Variants in KIAA0232 observed in about 807,000 individuals in gnomAD.
KIAA0232 encodes the protein KIAA0232, also known as uncharacterized protein KIAA0232.
KIAA0232 carries 27 observed loss-of-function variants against 122.0 expected under a neutral mutation model. The ratio of observed to expected loss-of-function variants is 0.22; its 90% CI spans 0.16 to 0.31. KIAA0232 has a LOEUF of 0.31. Ranked by LOEUF, KIAA0232 falls within the 10% of genes least tolerant of loss-of-function variation. The probability of loss-of-function intolerance (pLI) is 1.00; values close to 1 mark genes in which losing one functional copy is unlikely to be tolerated. For missense variants in KIAA0232, 1,551 were observed against 1,634.2 expected, an observed-to-expected ratio of 0.95 and a Z score of 0.88; for synonymous variants, 613 against 587.6, an observed-to-expected ratio of 1.04 and a Z score of -0.63.
chr4:6,800,138 A>G (rs1207265100), intron 1 of KIAA0232, among the ~76,000 whole-genome samples: 2 of 118,350 alleles, frequency 1.7e-5, no homozygotes, highest in African/African-American at 3.3e-5. Context: ...GCTGACTGCA[A>G]CCTCCATCTC....
intron 3 of KIAA0232, among the ~76,000 whole-genome samples, chr4:6,826,505 T>TC (rs2109044775): frequency 6.7e-6 from 1 of 149,464 alleles, no homozygotes; most frequent in East Asian, 2.0e-4. Flanking sequence ...GGGAATGATT[T>TC]TTTTTTTTTT....
At chr4:6,878,458 AAAAAT>A (rs150175351) in intron 9 of KIAA0232, among the ~76,000 whole-genome samples, 7,114 of 152,282 alleles carry the variant, frequency 0.047, 533 homozygotes, top group African/African-American at 0.16. Context: ...ATAAAGGACA[AAAAAT>A]AAAATGAGAT....
At chr4:6,814,067 G>A (rs1045605424) in intron 2 of KIAA0232, among the ~76,000 whole-genome samples, 9 of 152,102 alleles carry the variant, frequency 5.9e-5, no homozygotes, top group Non-Finnish European at 4.4e-5. Flanking sequence ...TTGCAGTTGT[G>A]TACTAGGTGT....
In KIAA0232 at chr4:6,863,913, C is replaced by T; in HGVS notation, c.3531C>T (p.Pro1177=). Residue 1177 remains proline, a synonymous_variant, in exon 7 of 10, where the codon CCC becomes CCT. Coordinates refer to ENST00000307659, the MANE Select transcript of KIAA0232 (RefSeq NM_014743.3). ...AGCTTGAGTCTGGAAAATTCCTTCC[C>T]AGGTTAAAAAAATCTGGGATGGAAA... ...KSELESGKFL[P]RLKKSGMEKS... 1.9e-6 allele frequency: 3 copies of T among 1,613,922 alleles called. No homozygotes were observed. Among genetic ancestry groups the T allele is most frequent in the Non-Finnish European group, 2.5e-6 (3 of 1,179,978 alleles).
At chr4:6,832,927 T>C (rs186132746) in intron 3 of KIAA0232, among the ~76,000 whole-genome samples, 158 of 152,300 alleles carry the variant, frequency 1.0e-3, no homozygotes, top group African/African-American at 3.4e-3. Flanking sequence ...CTTCTAGAAA[T>C]GTAACTGGAT....
chr4:6,830,587 A>T (rs1718920149), intron 3 of KIAA0232, among the ~76,000 whole-genome samples: 1 of 151,676 alleles, frequency 6.6e-6, no homozygotes, highest in Non-Finnish European at 1.5e-5. Context: ...TTATATTTTT[A>T]GTAGACACAG....
chr4:6,792,515 G>T (rs1716940816), intron 1 of KIAA0232, among the ~76,000 whole-genome samples: 1 of 152,050 alleles, frequency 6.6e-6, no homozygotes, highest in Admixed American at 6.5e-5. Flanking sequence ...AAGTAGTCCT[G>T]TGAGATAATT....
chr4:6,798,464 T>C (rs150871366), intron 1 of KIAA0232, among the ~76,000 whole-genome samples: 1 of 152,304 alleles, frequency 6.6e-6, no homozygotes, highest in Non-Finnish European at 1.5e-5. Context: ...CTTTGAGACA[T>C]ATTTGAACAA....
At chr4:6,848,715 T>C (rs1041863519) in intron 4 of KIAA0232, among the ~76,000 whole-genome samples, 2 of 152,228 alleles carry the variant, frequency 1.3e-5, no homozygotes, top group Admixed American at 6.5e-5. Flanking sequence ...CCCAACCTTT[T>C]CTGGGTAATA....
chr4:6,798,052 C>T (rs1199965734), intron 1 of KIAA0232, among the ~76,000 whole-genome samples: 2 of 147,588 alleles, frequency 1.4e-5, no homozygotes, highest in East Asian at 2.0e-4. Context: ...AGCCAGACTC[C>T]GTCTCAAAAA....
chr4:6,877,014 A>G (rs905626897), intron 9 of KIAA0232, among the ~76,000 whole-genome samples: 1 of 151,830 alleles, frequency 6.6e-6, no homozygotes, highest in African/African-American at 2.4e-5. Flanking sequence ...TTGGCTCTAC[A>G]CTACTGCCCG....
intron 7 of KIAA0232, among the ~76,000 whole-genome samples, chr4:6,864,906 T>C (rs939568821): frequency 1.3e-5 from 2 of 152,216 alleles, no homozygotes; most frequent in African/African-American, 4.8e-5. Flanking sequence ...ACTTGTGTTT[T>C]ACATATAAAA....
At chr4:6,805,571 C>T (rs556254189) in intron 2 of KIAA0232, among the ~76,000 whole-genome samples, 50 of 152,142 alleles carry the variant, frequency 3.3e-4, no homozygotes, top group African/African-American at 1.0e-3. Flanking sequence ...CTACCTTTAC[C>T]TCACTCATTG....
intron 3 of KIAA0232, among the ~76,000 whole-genome samples, chr4:6,826,190 C>G (rs982563898): frequency 1.3e-5 from 2 of 152,204 alleles, no homozygotes; most frequent in Non-Finnish European, 2.9e-5. Context: ...TCTAGCTGGA[C>G]ACAGCGGCAT....
At chr4:6,800,043 C>CTTTCTTTTTTTTTTTTTT (rs1717313307) in intron 1 of KIAA0232, among the ~76,000 whole-genome samples, 2 of 60,040 alleles carry the variant, frequency 3.3e-5, no homozygotes, top group East Asian at 3.2e-4. Flanking sequence ...TTCTTTCTTT[C>CTTTCTTTTTTTTTTTTTT]TTTTTTTTTT....
At chr4:6,874,327 GA>G (rs1560212062) in intron 8 of KIAA0232, among the ~76,000 whole-genome samples, 1 of 152,238 alleles carries the variant, frequency 6.6e-6, no homozygotes, top group Non-Finnish European at 1.5e-5. Flanking sequence ...TGCCTGCAGG[GA>G]GAGGTGCCAG....
Position 6,824,699 on chromosome 4 carries a change from TA to T in KIAA0232, c.231+17del. ...TGCAGGAACAGGTATTTACATATTT[TA>T]AGTGTTTTCTGAAAACTGATTGTAT... On this transcript the variant is annotated intron_variant, in intron 3 of 9. Coordinates refer to ENST00000307659, the MANE Select transcript of KIAA0232 (RefSeq NM_014743.3). 2 of 1,608,528 alleles carry T rather than the reference TA, an allele frequency of 1.2e-6. No individual in the cohort carries two copies. The highest frequency in any genetic ancestry group is 1.7e-6 in the Non-Finnish European group (2 of 1,175,182).
chr4:6,807,052 A>G (rs956655666), intron 2 of KIAA0232, among the ~76,000 whole-genome samples: 18 of 151,222 alleles, frequency 1.2e-4, no homozygotes, highest in South Asian at 2.1e-4. Context: ...CTATCTATCT[A>G]TCTATCTATC....
rs140604428 is a variant in KIAA0232 at position 6,848,761 on chromosome 4, C to T, written c.369+6557C>T. Among the ~76,000 whole-genome samples the T allele has an allele frequency of 2.5e-3, 374 of 152,294 alleles. 1 individual carries two copies. Among genetic ancestry groups the T allele is most frequent in the African/African-American group, 8.9e-3 (370 of 41,558 alleles). ...CAATACAATGATAACATTTATTGAG[C>T]ACTTAAAATGTGTAAGGTGCCTGTC... On this transcript the variant is annotated intron_variant, in intron 4 of 9. Transcript: ENST00000307659.
Sources: allele counts gnomAD v4.1 joint callset (sites outside exome capture counted in the v4.1 genomes callset), GRCh38; gene constraint gnomAD v4.1.1; transcripts MANE v1.5; gene names NCBI Gene and HGNC (gene_info 2026-07-23, HGNC 2026-07-21).